The following SYNPO variants were observed in gnomAD, a reference collection of about 807,000 sequenced individuals.
The protein encoded by SYNPO is synaptopodin.
SYNPO carries 19 observed loss-of-function variants against 49.5 expected under a neutral mutation model. The ratio of observed to expected loss-of-function variants is 0.38; its 90% CI spans 0.27 to 0.56. SYNPO has a LOEUF of 0.56. Among genes scored for constraint, SYNPO ranks in the 20% least tolerant of loss-of-function variants. The pLI, the probability that SYNPO is intolerant of heterozygous loss-of-function variation, is 0.68. For missense variants in SYNPO, 1,131 were observed against 1,248.3 expected (o/e 0.91, Z 1.42); for synonymous variants, 536 against 548.0 (o/e 0.98, Z 0.31).
chr5:150,650,957 C>T, intron 2 of SYNPO: 1 of 1,255,152 alleles, frequency 8.0e-7, no homozygotes, highest in Middle Eastern at 3.1e-4. Flanking sequence ...CTTCTGCTGG[C>T]TGCGGACTCG....
At chr5:150,617,764 A>G (rs1757021537) in intron 1 of SYNPO, 1 of 152,218 alleles carries the variant, frequency 6.6e-6, no homozygotes, top group Admixed American at 6.5e-5. Context: ...CTAGATATTT[A>G]TTTAATGTGC....
At chr5:150,623,345 TTC>T (rs1757240684) in intron 2 of SYNPO, among the ~76,000 whole-genome samples, 1 of 152,106 alleles carries the variant, frequency 6.6e-6, no homozygotes, top group South Asian at 2.1e-4. Flanking sequence ...CCACATCTCT[TTC>T]TCTTTCATAC....
chr5:150,602,255 C>T (rs1179291643), intron 1 of SYNPO, among the ~76,000 whole-genome samples: 1 of 152,236 alleles, frequency 6.6e-6, no homozygotes, highest in East Asian at 1.9e-4. Context: ...GGCCCTGCCA[C>T]TGCCTTGCTA....
chr5:150,625,823 A>G (rs1757337719), intron 2 of SYNPO, among the ~76,000 whole-genome samples: 1 of 152,210 alleles, frequency 6.6e-6, no homozygotes, highest in Non-Finnish European at 1.5e-5. Flanking sequence ...TGGAAGGGAC[A>G]AGAGCTGAGT....
rs1183518227 is a variant in SYNPO at position 150,657,109 on chromosome 5, C to T, written c.*22C>T. 1 of 1,549,086 alleles carries T rather than the reference C, an allele frequency of 6.5e-7. No individual in the cohort carries two copies. The highest frequency in any genetic ancestry group is 1.4e-5 in the African/African-American group (1 of 73,468). Reference sequence around the variant, plus strand: ...CTAGAGCCCCACCCCCGACCCCACCCCGGGAGGGCAGAGCCAGAAGAAGGC... The same window carrying T: ...CTAGAGCCCCACCCCCGACCCCACCTCGGGAGGGCAGAGCCAGAAGAAGGC... On this transcript the variant is annotated 3_prime_UTR_variant, in exon 3 of 3. Transcript: ENST00000307662.
intron 1 of SYNPO, 119 bp downstream of exon 1, chr5:150,640,973 G>A: frequency 4.0e-6 from 2 of 506,204 alleles, no homozygotes; most frequent in Non-Finnish European, 5.1e-6. Flanking sequence ...GGTATGTGGT[G>A]ATTTCTGCCA....
At chr5:150,637,250 C>A (rs893789872), upstream of SYNPO, among the ~76,000 whole-genome samples, 3 of 152,042 alleles carry the variant, frequency 2.0e-5, no homozygotes, top group Non-Finnish European at 2.9e-5. Context: ...AGTGAGGGGC[C>A]GGCTGGAAAC....
intron 1 of SYNPO, among the ~76,000 whole-genome samples, chr5:150,602,882 CTGT>C (rs1231748041): frequency 1.3e-5 from 2 of 152,126 alleles, no homozygotes; most frequent in Non-Finnish European, 2.9e-5. Context: ...TTGGTTTTGA[CTGT>C]CTAGGGCCTG....
At chr5:150,596,694 G>T (rs1476863351), upstream of SYNPO, among the ~76,000 whole-genome samples, 3 of 152,124 alleles carry the variant, frequency 2.0e-5, no homozygotes, top group Non-Finnish European at 4.4e-5. Context: ...ACAGCCCAGG[G>T]TACCTTCTTG....
chr5:150,629,213 A>G (rs976261614), intron 2 of SYNPO, among the ~76,000 whole-genome samples: 4 of 151,968 alleles, frequency 2.6e-5, no homozygotes, highest in African/African-American at 9.7e-5. Context: ...GTGTCTCGCT[A>G]TGTTGCCCAG....
chr5:150,605,812 A>G (rs919011660), intron 1 of SYNPO, among the ~76,000 whole-genome samples: 1 of 151,994 alleles, frequency 6.6e-6, no homozygotes, highest in Non-Finnish European at 1.5e-5. Flanking sequence ...ACACAGAGAC[A>G]CGTACAGACA....
intron 2 of SYNPO, among the ~76,000 whole-genome samples, chr5:150,634,948 A>G (rs1757665620): frequency 1.3e-5 from 2 of 152,146 alleles, no homozygotes; most frequent in South Asian, 2.1e-4. Context: ...ATTTTAATGT[A>G]CCCTTGGAAA....
Position 150,648,167 on chromosome 5 carries a change from C to G in SYNPO, c.-109C>G. 1 of 1,561,804 alleles carries G rather than the reference C, an allele frequency of 6.4e-7. No homozygotes were observed. The highest frequency in any genetic ancestry group is 2.4e-5 in the East Asian group (1 of 41,738). On this transcript the variant is annotated 5_prime_UTR_variant, in exon 2 of 3. Transcript: ENST00000307662. This position sits in a 1 kb window ranked among gnomAD's most constrained non-coding sequence, Gnocchi z 5.0. ...CCCTCAGAGTGCTCCCTTCAAGCCT[C>G]CCAGGCCATGCACCGGGGCTCAGCC...
chr5:150,641,051 C>CGCTTTGTGG, intron 1 of SYNPO, among the ~76,000 whole-genome samples, 197 bp downstream of exon 1: 1 of 152,290 alleles, frequency 6.6e-6, no homozygotes, highest in East Asian at 1.9e-4. Context: ...TTCTCCCATG[C>CGCTTTGTGG]CCGGCAGTCC....
chr5:150,618,237 G>A (rs1757035230), exon 2 of SYNPO: 2 of 1,184,746 alleles, frequency 1.7e-6, no homozygotes, highest in Non-Finnish European at 2.3e-6. Flanking sequence ...AGCGGAGGAA[G>A]GCAAAAGTGC....
At chr5:150,612,624 T>C (rs983921005) in intron 1 of SYNPO, among the ~76,000 whole-genome samples, 1 of 152,184 alleles carries the variant, frequency 6.6e-6, no homozygotes, top group African/African-American at 2.4e-5. Flanking sequence ...TTTCCTTATC[T>C]GCACAATGGG....
chr5:150,601,902 G>C lies in SYNPO; in HGVS notation c.-266+714G>C, dbSNP rs894270984. Among the ~76,000 whole-genome samples the C allele has an allele frequency of 2.0e-5, 3 of 152,352 alleles. No individual in the cohort carries two copies. In the South Asian group the frequency reaches 6.2e-4, roughly 32 times the overall value. ...GGGAAAAGCTGATAAGTAGAGCAAG[G>C]AGGTGATAACAATCTCGGCTCCCAC... On this transcript the variant is annotated intron_variant, in intron 1 of 2. Transcript: ENST00000394243.
chr5:150,609,790 G>A (rs1407074897), intron 1 of SYNPO, among the ~76,000 whole-genome samples: 11 of 151,640 alleles, frequency 7.3e-5, no homozygotes, highest in Non-Finnish European at 1.3e-4. Flanking sequence ...ATGTGGCGGG[G>A]GGGGGCAGTG....
chr5:150,619,450 G>A (rs962641662), intron 2 of SYNPO, among the ~76,000 whole-genome samples: 31 of 152,192 alleles, frequency 2.0e-4, no homozygotes, highest in Non-Finnish European at 3.2e-4. Flanking sequence ...CCATGACAGC[G>A]TGTGGGGAGA....
Sources: allele counts gnomAD v4.1 joint callset (sites outside exome capture counted in the v4.1 genomes callset), GRCh38; gene constraint gnomAD v4.1.1; non-coding constraint Gnocchi (gnomAD v3.1); transcripts MANE v1.5; gene names NCBI Gene and HGNC (gene_info 2026-07-23, HGNC 2026-07-21).